SOWAHA: variants seen among roughly 807,000 people sequenced by gnomAD.
SOWAHA encodes sosondowah ankyrin repeat domain family member A.
Under a neutral mutation model 21.1 loss-of-function variants are expected in SOWAHA, and 17 were observed. The observed-to-expected ratio is 0.80, with a 90% CI of 0.55 to 1.21. SOWAHA has a LOEUF of 1.21. SOWAHA is among the 50% of genes most tolerant of loss of function. The probability of loss-of-function intolerance (pLI) is 0.00; values close to 1 mark genes in which losing one functional copy is unlikely to be tolerated. For synonymous variants in SOWAHA, 422 were observed against 397.1 expected (o/e 1.06, Z -0.75); for missense variants, 862 against 816.0 (o/e 1.06, Z -0.69).
In SOWAHA at chr5:132,816,164, T is replaced by A. The variant is rs1349175781; in HGVS notation, c.*893T>A. On this transcript the variant is annotated 3_prime_UTR_variant, in exon 1 of 1. Coordinates refer to ENST00000378693, the MANE Select transcript of SOWAHA (RefSeq NM_175873.6). Reference sequence around the variant, plus strand: ...GATTTGGCATGACTACTTAATTTTTTAAAAAAATTGTGGTTTGTGAATTGC... The same window carrying A: ...GATTTGGCATGACTACTTAATTTTTAAAAAAAATTGTGGTTTGTGAATTGC... 6.0e-6 allele frequency: 1 copy of A among 167,106 alleles called. No homozygotes were observed. The highest frequency in any genetic ancestry group is 2.4e-5 in the African/African-American group (1 of 41,468). The allele number at this position is 167,106 out of a possible 1,614,324, so 10.4% of individuals were successfully genotyped here. A position where few individuals can be genotyped will look rare whatever the true frequency, so the allele number is the denominator to read the frequency against.
Position 132,815,164 on chromosome 5 carries a change from A to G in SOWAHA, c.1543A>G (p.Lys515Glu), listed in dbSNP as rs767031099. 1.2e-6 allele frequency: 2 copies of G among 1,614,032 alleles called. No individual in the cohort carries two copies. Among genetic ancestry groups the G allele is most frequent in the South Asian group, 2.2e-5 (2 of 91,078 alleles). ...GAGCGCCTCGCCCATGGCTCCACGT[A>G]AAAAGACAAAGATCCGCGGTGGTCT... ...FLSASPMAPR[K>E]KTKIRGGLPA... Residue 515 changes from lysine to glutamate, a missense_variant, in exon 1 of 1, where the codon AAA becomes GAA. Coordinates refer to ENST00000378693, the MANE Select transcript of SOWAHA (RefSeq NM_175873.6).
rs1299054900 is a variant in SOWAHA, at chr5:132,814,339, C to T, written c.718C>T (p.Arg240Cys). The T allele has an allele frequency of 2.0e-6, 3 of 1,483,076 alleles. No individual in the cohort carries two copies. The highest frequency in any genetic ancestry group is 2.3e-5 in the Admixed American group (1 of 42,922). The allele number at this position is 1,483,076 out of a possible 1,614,324, so 91.9% of individuals were successfully genotyped here. A position where few individuals can be genotyped will look rare whatever the true frequency, so the allele number is the denominator to read the frequency against. ...CCTCCGGGCGGAGGAGCCCGGCCTG[C>T]GCCGGCAGCTGTCGGAGGAGCCGAG... Reference protein sequence around the residue: ...LRLRAEEPGLRRQLSEEPSPR... With the variant: ...LRLRAEEPGLCRQLSEEPSPR... The change falls in exon 1 of 1, where the codon CGC becomes TGC. Residue 240 changes from arginine to cysteine, a missense_variant. Transcript: ENST00000378693.
rs372218297 is a variant in SOWAHA, at chr5:132,814,824, C to A, written c.1203C>A (p.Ala401=). The A allele has an allele frequency of 1.3e-6, 2 of 1,518,136 alleles. No homozygotes were observed. Among genetic ancestry groups the A allele is most frequent in the Non-Finnish European group, 8.8e-7 (1 of 1,132,370 alleles). The allele number at this position is 1,518,136 out of a possible 1,614,324, so 94.0% of individuals were successfully genotyped here. A position where few individuals can be genotyped will look rare whatever the true frequency, so the allele number is the denominator to read the frequency against. The change falls in exon 1 of 1, where the codon GCC becomes GCA. Residue 401 remains alanine, a synonymous_variant. Transcript: ENST00000378693. ...CACTGCACGGCCACGAGGACGCTGC[C>A]GTGCTGCTGGTGGTGCGTCTGGGTG... is the stretch of plus-strand genomic sequence containing the variant. The part of the protein sequence containing the change: ...LAALHGHEDA[A]VLLVVRLGAQ...
Position 132,813,968 on chromosome 5 carries a change from C to T in SOWAHA, c.347C>T (p.Ala116Val), listed in dbSNP as rs1433402882. ...TSTVLPRSASAPGAPPLVRVP... is the reference protein window; with the variant it reads ...TSTVLPRSASVPGAPPLVRVP... ...ACGGTCTTGCCGCGGAGCGCCTCTG[C>T]CCCGGGAGCTCCGCCCTTGGTCCGG... Residue 116 changes from alanine (A) to valine (V), a missense_variant, in exon 1 of 1, where the codon GCC becomes GTC. Physicochemically the swap from Ala to Val is moderately conservative, Grantham distance 64. Transcript: ENST00000378693. The T allele has an allele frequency of 6.3e-5, 97 of 1,544,086 alleles. No homozygotes were observed. The highest frequency in any genetic ancestry group is 8.4e-5 in the Non-Finnish European group (96 of 1,144,988).
rs749747149 is a variant in SOWAHA, at chr5:132,814,055, CG to C, written c.441del (p.Pro148ArgfsTer23). Reference protein sequence around the residue: ...LGLPTEPQDTPGGPASEPAQP... With the variant: ...LGLPTEPQDTXGGPASEPAQP... Reference sequence around the variant, plus strand: ...CTGCCAACAGAGCCACAGGACACCCCGGGGGGGCCGGCCTCCGAGCCCGCTC... The same window carrying C: ...CTGCCAACAGAGCCACAGGACACCCCGGGGGGCCGGCCTCCGAGCCCGCTC... On this transcript the variant is annotated frameshift_variant, in exon 1 of 1. Transcript: ENST00000378693. LOFTEE classifies it high-confidence loss of function. 8.3e-6 allele frequency: 13 copies of C among 1,563,378 alleles called. No individual in the cohort carries two copies. The highest frequency in any genetic ancestry group is 1.4e-5 in the African/African-American group (1 of 73,888).
rs976520991 is a variant in SOWAHA, at chr5:132,815,582, A to C, written c.*311A>C. On this transcript the variant is annotated 3_prime_UTR_variant, in exon 1 of 1. Transcript: ENST00000378693. ...GGCAGCAGCTGGTCTGGCCCCTGAA[A>C]GCCTTCACCTGATGCCTCTGCAGCT... 14 of 270,918 alleles carry C rather than the reference A, an allele frequency of 5.2e-5. No individual in the cohort carries two copies. The highest frequency in any genetic ancestry group is 6.0e-5 in the Non-Finnish European group (8 of 133,530). 16.8% of individuals were successfully genotyped at this position (270,918 alleles called of 1,614,324 possible). A position where few individuals can be genotyped will look rare whatever the true frequency, so the allele number is the denominator to read the frequency against.
In SOWAHA at chr5:132,814,857, G is replaced by A. The variant is rs1365146607; in HGVS notation, c.1236G>A (p.Val412=). The change falls in exon 1 of 1, where the codon GTG becomes GTA. Residue 412 remains valine, a synonymous_variant. Coordinates refer to ENST00000378693, the MANE Select transcript of SOWAHA (RefSeq NM_175873.6). Reference sequence around the variant, plus strand: ...TGGTGGTGCGTCTGGGTGCCCAGGTGCACGTGCGTGATCACAGCGGGCGTC... The same window carrying A: ...TGGTGGTGCGTCTGGGTGCCCAGGTACACGTGCGTGATCACAGCGGGCGTC... The part of the protein sequence containing the change: ...VLLVVRLGAQ[V]HVRDHSGRRA... 4 of 1,521,684 alleles carry A rather than the reference G, an allele frequency of 2.6e-6. No individual in the cohort carries two copies. The highest frequency in any genetic ancestry group is 3.6e-4 in the Middle Eastern group (2 of 5,480). The allele number at this position is 1,521,684 out of a possible 1,614,324, so 94.3% of individuals were successfully genotyped here. A position where few individuals can be genotyped will look rare whatever the true frequency, so the allele number is the denominator to read the frequency against.
At position 132,814,490 on chromosome 5, in the gene SOWAHA, G is replaced by T. The variant is rs1758354273; in HGVS notation, c.869G>T (p.Ser290Ile). ...RLSRAGPRLL[S>I]PDAEELPAAP... The stretch of plus-strand genomic sequence containing the variant: ...TCGCGCGCCGGCCCGCGTCTGCTGA[G>T]CCCTGACGCCGAGGAGTTGCCCGCC... Residue 290 changes from serine (S) to isoleucine (I), a missense_variant, in exon 1 of 1, where the codon AGC (serine) becomes ATC (isoleucine). Coordinates refer to ENST00000378693, the MANE Select transcript of SOWAHA (RefSeq NM_175873.6). 7.1e-7 allele frequency: 1 copy of T among 1,413,868 alleles called. No homozygotes were observed. The highest frequency in any genetic ancestry group is 1.5e-5 in the South Asian group (1 of 67,382). 87.6% of individuals were successfully genotyped at this position (1,413,868 alleles called of 1,614,324 possible).
Position 132,815,787 on chromosome 5 carries a change from C to G in SOWAHA, c.*516C>G, listed in dbSNP as rs1410156783. On this transcript the variant is annotated 3_prime_UTR_variant, in exon 1 of 1. Coordinates refer to ENST00000378693, the MANE Select transcript of SOWAHA (RefSeq NM_175873.6). ...GGAATTATATTTTTCCACTTTTAGG[C>G]AAAGTGCTTAGACATTTTCAATTTT... 2 of 166,922 alleles carry G rather than the reference C, an allele frequency of 1.2e-5. No individual in the cohort carries two copies. Among genetic ancestry groups the G allele is most frequent in the Admixed American group, 6.5e-5 (1 of 15,278 alleles). The allele number at this position is 166,922 out of a possible 1,614,324, so 10.3% of individuals were successfully genotyped here.
At position 132,813,981 on chromosome 5, in the gene SOWAHA, G is replaced by T. The variant is rs1450977057; in HGVS notation, c.360G>T (p.Pro120=). The change falls in exon 1 of 1, where the codon CCG becomes CCT. Residue 120 remains proline, a synonymous_variant. Coordinates refer to ENST00000378693, the MANE Select transcript of SOWAHA (RefSeq NM_175873.6). ...GGAGCGCCTCTGCCCCGGGAGCTCC[G>T]CCCTTGGTCCGGGTGCCGCGGCCAG... ...LPRSASAPGA[P]PLVRVPRPVE... 6.5e-7 allele frequency: 1 copy of T among 1,543,810 alleles called. No homozygotes were observed.
Position 132,814,256 on chromosome 5 carries a change from C to A in SOWAHA, c.635C>A (p.Pro212Gln). The part of the protein sequence containing the change: ...EPGPGAAKGP[P>Q]QQKPCMLPVR... Reference sequence around the variant, plus strand: ...GGGCCCGGGGCAGCGAAAGGGCCGCCGCAGCAGAAGCCCTGTATGCTGCCG... The same window carrying A: ...GGGCCCGGGGCAGCGAAAGGGCCGCAGCAGCAGAAGCCCTGTATGCTGCCG... Residue 212 changes from proline (P) to glutamine (Q), a missense_variant, in exon 1 of 1, where the codon CCG becomes CAG. Coordinates refer to ENST00000378693, the MANE Select transcript of SOWAHA (RefSeq NM_175873.6). The A allele has an allele frequency of 6.5e-7, 1 of 1,530,520 alleles. No individual in the cohort carries two copies. The highest frequency in any genetic ancestry group is 1.9e-5 in the Admixed American group (1 of 51,456). The allele number at this position is 1,530,520 out of a possible 1,614,324, so 94.8% of individuals were successfully genotyped here. A position where few individuals can be genotyped will look rare whatever the true frequency, so the allele number is the denominator to read the frequency against.
At position 132,813,676 on chromosome 5, in the gene SOWAHA, G is replaced by A; in HGVS notation, c.55G>A (p.Val19Met). The A allele has an allele frequency of 6.6e-7, 1 of 1,515,520 alleles. No individual in the cohort carries two copies. The highest frequency in any genetic ancestry group is 8.8e-7 in the Non-Finnish European group (1 of 1,132,820). The allele number at this position is 1,515,520 out of a possible 1,614,324, so 93.9% of individuals were successfully genotyped here. Residue 19 changes from valine (V) to methionine (M), a missense_variant, in exon 1 of 1, where the codon GTG (valine) becomes ATG (methionine). Physicochemically the swap from Val to Met is conservative, Grantham distance 21. Coordinates refer to ENST00000378693, the MANE Select transcript of SOWAHA (RefSeq NM_175873.6). ...GGCTGCCGGGGTGAGCCAGGCGGCG[G>A]TGCTGGGCTTCCTGCAGGAGCACGG... ...AAAAGVSQAA[V>M]LGFLQEHGGK...
chr5:132,814,995 T>C lies in SOWAHA; in HGVS notation c.1374T>C (p.Ser458=), dbSNP rs1338289791. 2 of 1,596,608 alleles carry C rather than the reference T, an allele frequency of 1.3e-6. No homozygotes were observed. Among genetic ancestry groups the C allele is most frequent in the Non-Finnish European group, 1.7e-6 (2 of 1,172,438 alleles). Residue 458 remains serine (S), a synonymous_variant, in exon 1 of 1, where the codon AGT becomes AGC. Transcript: ENST00000378693. ...EPDATGGGSG[S]LAARRPVQVA... ...ATGCGACCGGTGGTGGAAGTGGCAGTCTTGCTGCCAGGCGCCCCGTACAGG... is the reference window on the plus strand; with the variant it reads ...ATGCGACCGGTGGTGGAAGTGGCAGCCTTGCTGCCAGGCGCCCCGTACAGG...
At position 132,813,470 on chromosome 5, in the gene SOWAHA, C is replaced by A. The variant is rs991701365; in HGVS notation, c.-152C>A. On this transcript the variant is annotated 5_prime_UTR_variant, in exon 1 of 1. Coordinates refer to ENST00000378693, the MANE Select transcript of SOWAHA (RefSeq NM_175873.6). The stretch of plus-strand genomic sequence containing the variant: ...AGACGCCCCGGCCCAGCGGCACTGG[C>A]GCGACCGAGGTCCAGCTTCGGGGAC... 2 of 399,860 alleles carry A rather than the reference C, an allele frequency of 5.0e-6. No individual in the cohort carries two copies. The highest frequency in any genetic ancestry group is 7.0e-6 in the Non-Finnish European group (2 of 285,990). 24.8% of individuals were successfully genotyped at this position (399,860 alleles called of 1,614,324 possible).
rs768626499 is a variant in SOWAHA, at chr5:132,813,974, G to C, written c.353G>C (p.Gly118Ala). 2 of 1,543,660 alleles carry C rather than the reference G, an allele frequency of 1.3e-6. No homozygotes were observed. The highest frequency in any genetic ancestry group is 2.4e-5 in the South Asian group (2 of 83,828). Reference sequence around the variant, plus strand: ...TTGCCGCGGAGCGCCTCTGCCCCGGGAGCTCCGCCCTTGGTCCGGGTGCCG... The same window carrying C: ...TTGCCGCGGAGCGCCTCTGCCCCGGCAGCTCCGCCCTTGGTCCGGGTGCCG... ...TVLPRSASAP[G>A]APPLVRVPRP... Residue 118 changes from glycine to alanine, a missense_variant, in exon 1 of 1, where the codon GGA becomes GCA. Transcript: ENST00000378693.
rs1460049888 is a variant in SOWAHA at position 132,815,565 on chromosome 5, C to G, written c.*294C>G. The G allele has an allele frequency of 6.7e-6, 2 of 298,268 alleles. No homozygotes were observed. Among genetic ancestry groups the G allele is most frequent in the Middle Eastern group, 1.0e-3 (1 of 976 alleles). The allele number at this position is 298,268 out of a possible 1,614,324, so 18.5% of individuals were successfully genotyped here. A position where few individuals can be genotyped will look rare whatever the true frequency, so the allele number is the denominator to read the frequency against. On this transcript the variant is annotated 3_prime_UTR_variant, in exon 1 of 1. Coordinates refer to ENST00000378693, the MANE Select transcript of SOWAHA (RefSeq NM_175873.6). ...AGGGTCAAAGGTTAAGGGGCAGCAG[C>G]TGGTCTGGCCCCTGAAAGCCTTCAC... is the stretch of plus-strand genomic sequence containing the variant.
At position 132,814,446 on chromosome 5, in the gene SOWAHA, C is replaced by G. The variant is rs1758353160; in HGVS notation, c.825C>G (p.Ser275=). Residue 275 remains serine (S), a synonymous_variant, in exon 1 of 1, where the codon TCC becomes TCG. Transcript: ENST00000378693. ...GLGLGLGPGR[S]PHLRRLSRAG... ...GCCTCGGCCTGGGCCCGGGCCGCTC[C>G]CCGCACCTGAGGCGCCTGTCGCGCG... is the stretch of plus-strand genomic sequence containing the variant. The G allele has an allele frequency of 6.8e-7, 1 of 1,463,180 alleles. No homozygotes were observed. The highest frequency in any genetic ancestry group is 1.5e-5 in the African/African-American group (1 of 67,556). The allele number at this position is 1,463,180 out of a possible 1,614,324, so 90.6% of individuals were successfully genotyped here.
rs1661656464 is a variant in SOWAHA at position 132,814,282 on chromosome 5, G to T, written c.661G>T (p.Val221Leu). The T allele has an allele frequency of 3.3e-6, 5 of 1,505,444 alleles. No homozygotes were observed. The highest frequency in any genetic ancestry group is 1.4e-5 in the African/African-American group (1 of 69,058). The allele number at this position is 1,505,444 out of a possible 1,614,324, so 93.3% of individuals were successfully genotyped here. The change falls in exon 1 of 1, where the codon GTG (valine) becomes TTG (leucine). Residue 221 changes from valine (V) to leucine (L), a missense_variant. Transcript: ENST00000378693. The stretch of plus-strand genomic sequence containing the variant: ...GCAGCAGAAGCCCTGTATGCTGCCG[G>T]TGCGCTGCGTCCCGGCCCCCGCCAC... ...PPQQKPCMLP[V>L]RCVPAPATLR...
At position 132,813,570 on chromosome 5, in the gene SOWAHA, G is replaced by T. The variant is rs1561442221; in HGVS notation, c.-52G>T. 1 of 1,140,968 alleles carries T rather than the reference G, an allele frequency of 8.8e-7. No homozygotes were observed. The highest frequency in any genetic ancestry group is 1.1e-6 in the Non-Finnish European group (1 of 924,116). The allele number at this position is 1,140,968 out of a possible 1,614,324, so 70.7% of individuals were successfully genotyped here. A position where few individuals can be genotyped will look rare whatever the true frequency, so the allele number is the denominator to read the frequency against. Reference sequence around the variant, plus strand: ...CCGGAACCCCGCTCCCGCGCGTCCCGCGGCGACGCGGCGCCCACCCGCCCC... The same window carrying T: ...CCGGAACCCCGCTCCCGCGCGTCCCTCGGCGACGCGGCGCCCACCCGCCCC... On this transcript the variant is annotated 5_prime_UTR_variant, in exon 1 of 1. Transcript: ENST00000378693.
Sources: gnomAD v4.1 joint callset for allele counts on GRCh38, gnomAD v4.1.1 for gene constraint, MANE v1.5 for transcripts, NCBI Gene and HGNC (gene_info 2026-07-23, HGNC 2026-07-21) for gene names.